Variants in GOLIM4 observed in about 807,000 individuals in gnomAD.
The protein encoded by GOLIM4 is 130 kDa golgi-localized phosphoprotein.
GOLIM4 carries 71 observed loss-of-function variants against 107.4 expected under a neutral mutation model. The observed-to-expected ratio is 0.66, with a 90% CI of 0.55 to 0.81. The LOEUF (loss-of-function observed/expected upper bound fraction) is 0.81, where lower values mean the gene tolerates loss of function less well. Among genes scored for constraint, GOLIM4 ranks in the 30% least tolerant of loss-of-function variants. The probability of loss-of-function intolerance (pLI) is 0.00; values close to 1 mark genes in which losing one functional copy is unlikely to be tolerated. For missense variants in GOLIM4, 830 were observed against 826.1 expected (o/e 1.00, Z -0.06); for synonymous variants, 327 against 294.8 (o/e 1.11, Z -1.12).
chr3:168,023,842 C>T (rs1287846790), intron 14 of GOLIM4, among the ~76,000 whole-genome samples: 2 of 152,172 alleles, frequency 1.3e-5, no homozygotes, highest in African/African-American at 4.8e-5. Flanking sequence ...CATGCAGCAC[C>T]ACAATAATCA....
At chr3:168,073,375 G>C (rs979495948) in intron 1 of GOLIM4, among the ~76,000 whole-genome samples, 3 of 152,160 alleles carry the variant, frequency 2.0e-5, no homozygotes, top group Non-Finnish European at 4.4e-5. Context: ...AACTCTTTTA[G>C]AATACAGGAA....
At chr3:168,084,051 C>T (rs1721501205) in intron 1 of GOLIM4, among the ~76,000 whole-genome samples, 1 of 152,150 alleles carries the variant, frequency 6.6e-6, no homozygotes, top group African/African-American at 2.4e-5. Flanking sequence ...CCCAATGTTG[C>T]AGGAGAGGCC....
In GOLIM4 at chr3:168,025,094, C is replaced by G; in HGVS notation, c.1625G>C (p.Arg542Thr). ...TGGGTTTATATCTTCTACAGCTGCC[C>G]TCTGTAAAATTTTAATAAAAAGCAA... The part of the protein sequence containing the change: ...READPESEAD[R>T]AAVEDINPAD... The change falls in exon 13 of 16, where the codon AGG becomes ACG. Residue 542 changes from arginine to threonine, a missense_variant and splice_region_variant. Transcript: ENST00000470487. 1 of 1,602,242 alleles carries G rather than the reference C, an allele frequency of 6.2e-7. No homozygotes were observed. Among genetic ancestry groups the G allele is most frequent in the Non-Finnish European group, 8.5e-7 (1 of 1,175,666 alleles).
At chr3:168,094,810 A>G (rs1208254873) in intron 1 of GOLIM4, among the ~76,000 whole-genome samples, 2 of 152,138 alleles carry the variant, frequency 1.3e-5, no homozygotes, top group Non-Finnish European at 2.9e-5. Flanking sequence ...CTTTGACAAG[A>G]GCTCGGGTAA....
rs578057640 is a variant in GOLIM4, at chr3:168,067,182, T to A, written c.188-18817A>T. On this transcript the variant is annotated intron_variant, in intron 1 of 15. Transcript: ENST00000470487. ...TAAAGTGCCCACTATTAAATGCCAC[T>A]CCTAATGAGCATAATTTTGTGACTA... 3.3e-5 allele frequency among the ~76,000 whole-genome samples: 5 copies of A among 152,158 alleles called. No homozygotes were observed. The South Asian group carries it at 1.0e-3, about 32-fold the overall frequency.
chr3:168,055,443 G>C (rs1719892193), intron 1 of GOLIM4, among the ~76,000 whole-genome samples: 1 of 152,118 alleles, frequency 6.6e-6, no homozygotes, highest in African/African-American at 2.4e-5. Flanking sequence ...GTGGAACTTT[G>C]AACTTGAGAA....
chr3:168,040,202 T>C (rs1220161808), intron 7 of GOLIM4, among the ~76,000 whole-genome samples: 2 of 152,218 alleles, frequency 1.3e-5, no homozygotes, highest in African/African-American at 4.8e-5. Context: ...TTTGTTCCCC[T>C]GTTCATTCAG....
rs1214565454 is a variant in GOLIM4, at chr3:168,042,571, G to A, written c.517+808C>T. Among the ~76,000 whole-genome samples the A allele has an allele frequency of 4.6e-5, 7 of 152,330 alleles. No individual in the cohort carries two copies. In the East Asian group the frequency reaches 9.6e-4, roughly 21 times the overall value. On this transcript the variant is annotated intron_variant, in intron 5 of 15. Coordinates refer to ENST00000470487, the MANE Select transcript of GOLIM4 (RefSeq NM_014498.5). ...GCTAGGATTACAGGCGTGAGCCACC[G>A]TCCCCGGTTGAAATGGGGAAGACGT...
chr3:168,043,385 G>A lies in GOLIM4; in HGVS notation c.511C>T (p.Leu171=). The A allele has an allele frequency of 6.2e-7, 1 of 1,603,732 alleles. No individual in the cohort carries two copies. Among genetic ancestry groups the A allele is most frequent in the Non-Finnish European group, 8.5e-7 (1 of 1,175,740 alleles). The change falls in exon 5 of 16, where the codon CTA becomes TTA. Residue 171 remains leucine (L), a synonymous_variant. Transcript: ENST00000470487. Reference sequence around the variant, plus strand: ...TAATCAGATTTCCAAATACCTTTTAGCTTAGAAAGTTCTTGTTCTTTTTCT... The same window carrying A: ...TAATCAGATTTCCAAATACCTTTTAACTTAGAAAGTTCTTGTTCTTTTTCT... ...QQEKEQELSK[L]KETVYNLREE... is the part of the protein sequence containing the mutation.
chr3:168,085,943 T>A (rs192270749), intron 1 of GOLIM4, among the ~76,000 whole-genome samples: 88 of 152,256 alleles, frequency 5.8e-4, no homozygotes, highest in African/African-American at 2.0e-3. Context: ...AGAGGAAGCA[T>A]ACTTGAAGAA....
intron 3 of GOLIM4, among the ~76,000 whole-genome samples, chr3:168,045,521 C>T (rs187666703): frequency 1.6e-3 from 240 of 152,196 alleles, no homozygotes; most frequent in Non-Finnish European, 3.0e-3. Flanking sequence ...TCCTGAGCTC[C>T]AGGTTCCAGG....
chr3:168,080,204 C>T (rs1290612087), intron 1 of GOLIM4, among the ~76,000 whole-genome samples: 1 of 152,138 alleles, frequency 6.6e-6, no homozygotes, highest in South Asian at 2.1e-4. Flanking sequence ...CTGCCATTAA[C>T]AAGCTGGGAG....
At chr3:168,011,153 T>G (rs932292048) in intron 14 of GOLIM4, among the ~76,000 whole-genome samples, 1 of 149,360 alleles carries the variant, frequency 6.7e-6, no homozygotes. Context: ...CACTAGGGAG[T>G]GCCAGACAGT....
intron 14 of GOLIM4, among the ~76,000 whole-genome samples, chr3:168,017,310 C>T (rs1717428503): frequency 2.0e-5 from 3 of 151,664 alleles, no homozygotes; most frequent in Non-Finnish European, 4.4e-5. Flanking sequence ...AAAGTGAGAC[C>T]CTGTCTCTAC....
chr3:168,028,224 T>C (rs993085504), intron 11 of GOLIM4, among the ~76,000 whole-genome samples: 3 of 152,092 alleles, frequency 2.0e-5, no homozygotes, highest in African/African-American at 4.8e-5. Context: ...AAAGAAGAAA[T>C]TGATAGTTTC....
intron 1 of GOLIM4, among the ~76,000 whole-genome samples, chr3:168,076,803 A>T (rs1319133660): frequency 6.6e-6 from 1 of 152,218 alleles, no homozygotes; most frequent in Admixed American, 6.5e-5. Flanking sequence ...TACTTGTTCT[A>T]TGTCACTGAA....
At chr3:168,012,054 C>T (rs1377990405) in intron 14 of GOLIM4, among the ~76,000 whole-genome samples, 2 of 99,058 alleles carry the variant, frequency 2.0e-5, no homozygotes, top group South Asian at 2.3e-4. Context: ...ATGACATTGA[C>T]GAGCTGAGAG....
In GOLIM4 at chr3:168,041,505, A is replaced by C. The variant is rs1460321248; in HGVS notation, c.518-31T>G. ...TTAGAAAAAGAAGGATCACACATAA[A>C]GCCTTGAAACTTTCAGGATTCTGTT... is the stretch of plus-strand genomic sequence containing the variant. On this transcript the variant is annotated intron_variant, in intron 5 of 15. Coordinates refer to ENST00000470487, the MANE Select transcript of GOLIM4 (RefSeq NM_014498.5). The C allele has an allele frequency of 3.8e-6, 4 of 1,054,956 alleles. No individual in the cohort carries two copies. In the Admixed American group the frequency reaches 5.4e-5, roughly 14 times the overall value. 65.3% of individuals were successfully genotyped at this position (1,054,956 alleles called of 1,614,324 possible).
At chr3:168,056,236 C>T (rs1182666758) in intron 1 of GOLIM4, among the ~76,000 whole-genome samples, 1 of 152,232 alleles carries the variant, frequency 6.6e-6, no homozygotes, top group Non-Finnish European at 1.5e-5. Context: ...TTGGCAGCTT[C>T]CACACGGTGC....
Sources: allele counts gnomAD v4.1 joint callset (sites outside exome capture counted in the v4.1 genomes callset), GRCh38; gene constraint gnomAD v4.1.1; transcripts MANE v1.5; gene names NCBI Gene and HGNC (gene_info 2026-07-23, HGNC 2026-07-21).